Variants in MGAT4C observed in about 807,000 individuals in gnomAD.
The protein encoded by MGAT4C is alpha-1,3-mannosyl-glycoprotein 4-beta-N-acetylglucosaminyltransferase C.
MGAT4C carries 19 observed loss-of-function variants against 40.1 expected under a neutral mutation model. The ratio of observed to expected loss-of-function variants is 0.47; its 90% confidence interval spans 0.33 to 0.70. The LOEUF (loss-of-function observed/expected upper bound fraction) is 0.70, where lower values mean the gene tolerates loss of function less well. MGAT4C is among the 30% of genes least tolerant of loss of function. MGAT4C has a pLI of 0.02. For synonymous variants in MGAT4C, 181 were observed against 187.1 expected, an observed-to-expected ratio of 0.97 and a Z score of 0.27; for missense variants, 491 against 563.2, an observed-to-expected ratio of 0.87 and a Z score of 1.30.
At chr12:86,665,729 T>C (rs1370326232) in intron 2 of MGAT4C, among the ~76,000 whole-genome samples, 2 of 152,186 alleles carry the variant, frequency 1.3e-5, no homozygotes, top group Non-Finnish European at 2.9e-5. Flanking sequence ...TACAATTTAA[T>C]GCAATTTCGA....
intron 1 of MGAT4C, among the ~76,000 whole-genome samples, chr12:86,061,297 ACTGTGCCTTGAGGAAC>A (rs988464299): frequency 6.6e-6 from 1 of 152,054 alleles, no homozygotes; most frequent in African/African-American, 2.4e-5. Flanking sequence ...GCCGTGAGGG[ACTGTGCCTTGAGGAAC>A]GGTGCACTCC....
intron 1 of MGAT4C, among the ~76,000 whole-genome samples, chr12:86,831,769 T>C (rs1952932881): frequency 1.3e-5 from 2 of 151,840 alleles, no homozygotes; most frequent in South Asian, 4.1e-4. Flanking sequence ...ATTAAGGTTC[T>C]ACATAGGCAC....
chr12:86,657,193 G>A (rs1389380744), intron 2 of MGAT4C, among the ~76,000 whole-genome samples: 2 of 151,898 alleles, frequency 1.3e-5, no homozygotes, highest in Non-Finnish European at 2.9e-5. Context: ...TGGCATACAA[G>A]TCAGTAAGTG....
chr12:86,696,694 C>G (rs1950265524), intron 2 of MGAT4C, among the ~76,000 whole-genome samples: 1 of 152,172 alleles, frequency 6.6e-6, no homozygotes, highest in Non-Finnish European at 1.5e-5. Flanking sequence ...GATATCCATA[C>G]AAGCTTCAGA....
intron 1 of MGAT4C, among the ~76,000 whole-genome samples, chr12:86,182,428 GT>G (rs1239300887): frequency 6.6e-6 from 1 of 152,094 alleles, no homozygotes; most frequent in Non-Finnish European, 1.5e-5. Context: ...GTTTACATTT[GT>G]TTTTAACTAA....
At chr12:86,481,398 C>A (rs1259895565) in intron 2 of MGAT4C, among the ~76,000 whole-genome samples, 1 of 152,006 alleles carries the variant, frequency 6.6e-6, no homozygotes, top group Non-Finnish European at 1.5e-5. Context: ...TGCATTGACA[C>A]AACCTTCTGG....
intron 2 of MGAT4C, among the ~76,000 whole-genome samples, chr12:86,479,574 A>G (rs1459343136): frequency 6.6e-6 from 1 of 151,928 alleles, no homozygotes; most frequent in Admixed American, 6.6e-5. Context: ...TTATACTTGA[A>G]ATACCTTGGG....
At chr12:86,690,556 G>A (rs1321449319) in intron 2 of MGAT4C, among the ~76,000 whole-genome samples, 1 of 152,140 alleles carries the variant, frequency 6.6e-6, no homozygotes, top group Admixed American at 6.6e-5. Flanking sequence ...GGTTCCCTTG[G>A]CTAGGGGAGG....
chr12:86,693,986 T>C (rs1950213148), intron 2 of MGAT4C, among the ~76,000 whole-genome samples: 1 of 152,170 alleles, frequency 6.6e-6, no homozygotes, highest in African/African-American at 2.4e-5. Context: ...ACTTGAACTT[T>C]AAAAATACAT....
At chr12:86,806,907 A>C (rs1952366927) in intron 1 of MGAT4C, among the ~76,000 whole-genome samples, 1 of 151,910 alleles carries the variant, frequency 6.6e-6, no homozygotes, top group African/African-American at 2.4e-5. Context: ...CCTAATGTGA[A>C]TAACGAGTTA....
chr12:86,837,118 A>G (rs956143474), intron 1 of MGAT4C, among the ~76,000 whole-genome samples: 4 of 152,122 alleles, frequency 2.6e-5, no homozygotes, highest in African/African-American at 7.2e-5. Flanking sequence ...GAGAAACCAG[A>G]CTGGGAGCAA....
chr12:86,076,889 A>T (rs1468271010), intron 1 of MGAT4C, among the ~76,000 whole-genome samples: 1 of 152,128 alleles, frequency 6.6e-6, no homozygotes, highest in Non-Finnish European at 1.5e-5. Context: ...GAGCAAGGAG[A>T]GCCAGTCCAA....
intron 4 of MGAT4C, among the ~76,000 whole-genome samples, chr12:86,265,584 C>G (rs549112218): frequency 1.3e-5 from 2 of 152,176 alleles, no homozygotes; most frequent in East Asian, 3.9e-4. Context: ...TGAAGTCAGG[C>G]GATGTGATAC....
intron 4 of MGAT4C, among the ~76,000 whole-genome samples, chr12:86,289,869 T>C (rs1423563217): frequency 1.3e-5 from 2 of 152,132 alleles, no homozygotes; most frequent in African/African-American, 2.4e-5. Flanking sequence ...TAGATCATAG[T>C]CTCCTTTGCA....
chr12:86,218,733 G>T (rs974350159), intron 1 of MGAT4C, among the ~76,000 whole-genome samples: 2 of 152,096 alleles, frequency 1.3e-5, no homozygotes, highest in Admixed American at 1.3e-4. Flanking sequence ...GCTGTGGCAG[G>T]TTTTCATTCT....
At chr12:86,265,302 A>G (rs555982761) in intron 4 of MGAT4C, among the ~76,000 whole-genome samples, 3 of 152,234 alleles carry the variant, frequency 2.0e-5, no homozygotes, top group Non-Finnish European at 4.4e-5. Flanking sequence ...CTCAGGCAAA[A>G]GCGTCACCAG....
intron 1 of MGAT4C, chr12:86,068,266 T>G (rs1272086913): frequency 6.6e-6 from 1 of 152,208 alleles, no homozygotes; most frequent in East Asian, 1.9e-4. Context: ...TGGCAGATGT[T>G]CTACTCTTCA....
chr12:86,575,370 C>A lies in MGAT4C; in HGVS notation c.-228-140105G>T, dbSNP rs546026198. The stretch of plus-strand genomic sequence containing the variant: ...ACTTCCCATCCCCAAACCCCAATAC[C>A]CTTCACAGCCTCTGGTAACTATCCT... On this transcript the variant is annotated intron_variant, in intron 2 of 7. Coordinates refer to the MGAT4C transcript ENST00000548651. Among the ~76,000 whole-genome samples, 33 of 151,874 alleles carry A rather than the reference C, an allele frequency of 2.2e-4. 1 individual carries two copies. Among genetic ancestry groups the A allele is most frequent in the Admixed American group, 1.3e-4 (2 of 15,188 alleles).
intron 4 of MGAT4C, among the ~76,000 whole-genome samples, chr12:86,314,528 C>G (rs1279673588): frequency 6.6e-6 from 1 of 152,192 alleles, no homozygotes; most frequent in Non-Finnish European, 1.5e-5. Flanking sequence ...CAATATGATT[C>G]TATACCTAGA....
Sources: allele counts gnomAD v4.1 joint callset (sites outside exome capture counted in the v4.1 genomes callset), GRCh38; gene constraint gnomAD v4.1.1; transcripts MANE v1.5; gene names NCBI Gene and HGNC (gene_info 2026-07-23, HGNC 2026-07-21).